The following DOCK2 variants were observed in gnomAD, a reference collection of about 807,000 sequenced individuals.
DOCK2 encodes the protein dedicator of cytokinesis protein 2.
Under a neutral mutation model 248.9 loss-of-function variants are expected in DOCK2, and 87 were observed. The ratio of observed to expected loss-of-function variants is 0.35; its 90% confidence interval spans 0.29 to 0.42. The LOEUF (loss-of-function observed/expected upper bound fraction) is 0.42. Ranked by LOEUF, DOCK2 falls within the 10% of genes least tolerant of loss-of-function variation. DOCK2 has a pLI of 1.00. For missense variants in DOCK2, 1,747 were observed against 2,300.2 expected, an observed-to-expected ratio of 0.76 and a Z score of 4.92; for synonymous variants, 805 against 821.6, an observed-to-expected ratio of 0.98 and a Z score of 0.35.
chr5:169,675,455 T>C (rs1443596460), intron 6 of DOCK2, among the ~76,000 whole-genome samples: 1 of 152,196 alleles, frequency 6.6e-6, no homozygotes, highest in Non-Finnish European at 1.5e-5. Flanking sequence ...CCCTGTCCAC[T>C]AAAGGGTCAC....
At chr5:169,822,198 C>T (rs1288485850) in intron 26 of DOCK2, among the ~76,000 whole-genome samples, 1 of 152,110 alleles carries the variant, frequency 6.6e-6, no homozygotes, top group Admixed American at 6.5e-5. Context: ...TGTCAATATT[C>T]GACAGATCCA....
chr5:169,954,011 C>T (rs144976264), intron 27 of DOCK2, among the ~76,000 whole-genome samples: 226 of 152,340 alleles, frequency 1.5e-3, no homozygotes, highest in South Asian at 5.4e-3. Flanking sequence ...AATATGAGTG[C>T]ATATTCTATA....
intron 1 of DOCK2, among the ~76,000 whole-genome samples, chr5:169,644,772 C>T (rs938072836): frequency 1.3e-5 from 2 of 151,990 alleles, no homozygotes; most frequent in African/African-American, 2.4e-5. Flanking sequence ...GCTATTTGTC[C>T]TAATGCTCTC....
At chr5:169,668,633 C>T (rs1480956418) in intron 2 of DOCK2, among the ~76,000 whole-genome samples, 1 of 152,188 alleles carries the variant, frequency 6.6e-6, no homozygotes, top group Admixed American at 6.5e-5. Context: ...TTGCTGCACT[C>T]AGGCGTATTT....
At chr5:169,792,945 C>T (rs1766436353) in intron 25 of DOCK2, among the ~76,000 whole-genome samples, 2 of 152,154 alleles carry the variant, frequency 1.3e-5, no homozygotes, top group Admixed American at 6.5e-5. Flanking sequence ...ATGAGGAGGC[C>T]AGCCAGCAGC....
At chr5:169,986,566 T>A (rs1354472849) in intron 29 of DOCK2, among the ~76,000 whole-genome samples, 1 of 152,180 alleles carries the variant, frequency 6.6e-6, no homozygotes, top group Non-Finnish European at 1.5e-5. Flanking sequence ...TGCTCCTAGG[T>A]TTCTTATATC....
intron 27 of DOCK2, chr5:169,882,767 G>T (rs1772732501): frequency 6.4e-7 from 1 of 1,551,736 alleles, no homozygotes; most frequent in Non-Finnish European, 8.7e-7. Flanking sequence ...GATGGGAGAT[G>T]ATTACTTCCT....
At chr5:169,725,873 A>G (rs539714255) in intron 22 of DOCK2, among the ~76,000 whole-genome samples, 2 of 152,270 alleles carry the variant, frequency 1.3e-5, no homozygotes, top group South Asian at 2.1e-4. Context: ...TCCATGGTGT[A>G]TATGTGCCAC....
At chr5:169,691,375 G>A (rs1465223937) in intron 9 of DOCK2, among the ~76,000 whole-genome samples, 1 of 152,110 alleles carries the variant, frequency 6.6e-6, no homozygotes, top group Non-Finnish European at 1.5e-5. Flanking sequence ...CATATCAGGG[G>A]GCAAGGAAGG....
In DOCK2 at chr5:170,032,027, C is replaced by CT. The variant is rs11362267; in HGVS notation, c.3468-2355dup. Among the ~76,000 whole-genome samples the CT allele has an allele frequency of 1.6e-3, 222 of 142,126 alleles. 1 individual carries two copies. Among genetic ancestry groups the CT allele is most frequent in the African/African-American group, 2.6e-3 (100 of 39,052 alleles). 93.2% of individuals were successfully genotyped at this position (142,126 alleles called of 152,430 possible). A position where few individuals can be genotyped will look rare whatever the true frequency, so the allele number is the denominator to read the frequency against. The stretch of plus-strand genomic sequence containing the variant: ...AAAGTCTTGGACAAAACCAGTTGTT[C>CT]TTTTTTTTTTTTTTTTTGAGACGGA... On this transcript the variant is annotated intron_variant, in intron 34 of 51. Transcript: ENST00000520908.
At position 169,708,321 on chromosome 5, in the gene DOCK2, C is replaced by A; in HGVS notation, c.1482+54C>A. 8 of 1,536,400 alleles carry A rather than the reference C, an allele frequency of 5.2e-6. 1 individual carries two copies. In the South Asian group the frequency reaches 8.1e-5, roughly 16 times the overall value. Reference sequence around the variant, plus strand: ...TGTCTAGTTCTTACCATGAACCAGGCACTGTTTTAAGTGCTTTATTTAAAT... The same window carrying A: ...TGTCTAGTTCTTACCATGAACCAGGAACTGTTTTAAGTGCTTTATTTAAAT... On this transcript the variant is annotated intron_variant, in intron 15 of 51. Transcript: ENST00000520908.
intron 27 of DOCK2, among the ~76,000 whole-genome samples, chr5:169,955,151 T>C (rs140440706): frequency 0.01 from 1,550 of 152,318 alleles, 20 homozygotes; most frequent in Non-Finnish European, 0.015. Context: ...AGGAGCTACA[T>C]GGCCATGTCA....
intron 25 of DOCK2, among the ~76,000 whole-genome samples, chr5:169,795,934 C>T (rs1037417280): frequency 5.3e-5 from 8 of 152,116 alleles, no homozygotes; most frequent in African/African-American, 1.2e-4. Context: ...GAGGAGAATT[C>T]GACTTTCAGT....
chr5:169,698,257 C>A, intron 10 of DOCK2, 117 bp from the exon 11 acceptor site: 2 of 998,184 alleles, frequency 2.0e-6, no homozygotes, highest in Non-Finnish European at 1.5e-6. Flanking sequence ...CATTTTAGGC[C>A]TTCCTGACCC....
At chr5:169,895,358 C>G (rs369568210) in intron 27 of DOCK2, among the ~76,000 whole-genome samples, 12 of 152,242 alleles carry the variant, frequency 7.9e-5, no homozygotes, top group East Asian at 5.8e-4. Flanking sequence ...CACCCAGCCT[C>G]AACCCCACTT....
chr5:169,959,149 T>C (rs763193520), intron 27 of DOCK2, among the ~76,000 whole-genome samples: 1 of 152,046 alleles, frequency 6.6e-6, no homozygotes, highest in Admixed American at 6.5e-5. Context: ...TCCCAGCACT[T>C]TGGGAGGCCG....
At chr5:169,759,442 G>T (rs1176192190) in intron 23 of DOCK2, among the ~76,000 whole-genome samples, 1 of 152,228 alleles carries the variant, frequency 6.6e-6, no homozygotes, top group Non-Finnish European at 1.5e-5. Context: ...AACAGAATTT[G>T]CAGATCTATA....
chr5:170,080,563 G>T (rs1360679259), intron 50 of DOCK2: 3 of 412,572 alleles, frequency 7.3e-6, no homozygotes, highest in Non-Finnish European at 1.3e-5. Flanking sequence ...ACACTAGGTG[G>T]CCCCTTGTTC....
At chr5:170,039,695 T>C (rs1756449079) in intron 36 of DOCK2, among the ~76,000 whole-genome samples, 1 of 152,198 alleles carries the variant, frequency 6.6e-6, no homozygotes, top group South Asian at 2.1e-4. Flanking sequence ...ACTTCTCCTT[T>C]GGTGAGCTTC....
Sources: gnomAD v4.1 joint callset for allele counts (sites outside exome capture counted in the v4.1 genomes callset) on GRCh38, gnomAD v4.1.1 for gene constraint, MANE v1.5 for transcripts, NCBI Gene and HGNC (gene_info 2026-07-23, HGNC 2026-07-21) for gene names.